The following ALDH3B2 variants were observed in gnomAD, a reference collection of about 807,000 sequenced individuals.
The protein encoded by ALDH3B2 is aldehyde dehydrogenase family 3 member B2.
In ALDH3B2, 45 loss-of-function variants were observed where a neutral mutation model predicts 36.7. That is an observed-to-expected ratio of 1.23 (90% CI 0.97 to 1.57). The LOEUF is 1.57. ALDH3B2 is among the 40% of genes most tolerant of loss of function. The pLI, the probability that ALDH3B2 is intolerant of heterozygous loss-of-function variation, is 0.00. For missense variants in ALDH3B2, 464 were observed against 513.3 expected (o/e 0.90, Z 0.93); for synonymous variants, 217 against 226.5 (o/e 0.96, Z 0.38).
rs550371133 is a variant in ALDH3B2 at position 67,664,851 on chromosome 11, G to A, written c.707-289C>T. On this transcript the variant is annotated intron_variant, in intron 7 of 9. Transcript: ENST00000349015. ...GGGATCTTAGAACCTTGGAGTTCAT[G>A]AGGCAGCAGCGTCCCAGAATGTTGG... is the stretch of plus-strand genomic sequence containing the variant. Among the ~76,000 whole-genome samples the A allele has an allele frequency of 9.8e-5, 15 of 152,360 alleles. No homozygotes were observed. The South Asian group carries it at 1.4e-3, about 15-fold the overall frequency.
At chr11:67,677,754 G>A (rs1379952714), upstream of ALDH3B2, among the ~76,000 whole-genome samples, 1 of 152,144 alleles carries the variant, frequency 6.6e-6, no homozygotes, top group Non-Finnish European at 1.5e-5. Context: ...ATTCAGCAAA[G>A]TTTCTGGATA....
intron 1 of ALDH3B2, among the ~76,000 whole-genome samples, chr11:67,668,624 G>A (rs959479178): frequency 6.6e-6 from 1 of 151,792 alleles, no homozygotes; most frequent in Non-Finnish European, 1.5e-5. Flanking sequence ...GTCTTTGTGT[G>A]TCTATGTGTG....
chr11:67,665,241 A>G (rs375854710), intron 7 of ALDH3B2, 44 bp downstream of exon 7: 8 of 1,548,290 alleles, frequency 5.2e-6, no homozygotes, highest in African/African-American at 1.4e-5. Flanking sequence ...CCATTGAGAA[A>G]GGGTCTTGGC....
chr11:67,671,891 G>A (rs1856125106), intron 1 of ALDH3B2, among the ~76,000 whole-genome samples: 1 of 149,912 alleles, frequency 6.7e-6, no homozygotes, highest in Admixed American at 6.7e-5. Context: ...CGAGATAGAT[G>A]CACATTCTGA....
At chr11:67,666,595 G>T in exon 4 of ALDH3B2, 1 of 1,614,088 alleles carries the variant, frequency 6.2e-7, no homozygotes, top group Non-Finnish European at 8.5e-7. Flanking sequence ...GCGCCCACCA[G>T]GAGCACCAGG....
At chr11:67,679,934 C>T (rs1255272901) in intron 1 of ALDH3B2, among the ~76,000 whole-genome samples, 1 of 152,124 alleles carries the variant, frequency 6.6e-6, no homozygotes, top group African/African-American at 2.4e-5. Context: ...AAAATTATAA[C>T]ACTTATTACT....
Position 67,663,279 on chromosome 11 carries a change from T to G in ALDH3B2, c.1094A>C (p.Tyr365Ser). 6.2e-7 allele frequency: 1 copy of G among 1,614,034 alleles called. No homozygotes were observed. The highest frequency in any genetic ancestry group is 8.5e-7 in the Non-Finnish European group (1 of 1,179,956). Residue 365 changes from tyrosine (Y) to serine (S), a missense_variant, in exon 10 of 10, where the codon TAT (tyrosine) becomes TCT (serine). Physicochemically the swap from Tyr to Ser is moderately radical, Grantham distance 144 (BLOSUM62 -2). Transcript: ENST00000349015. ...TAACAGCTGCTGGTTCCAGTCGGTA[T>G]AGGGTGGGTAGTGGATCTCCTTTAA... is the stretch of plus-strand genomic sequence containing the variant.
At chr11:67,666,588 C>T in exon 4 of ALDH3B2, 1 of 1,614,032 alleles carries the variant, frequency 6.2e-7, no homozygotes, top group Non-Finnish European at 8.5e-7. Flanking sequence ...GGCGAGGGCG[C>T]CCACCAGGAG....
chr11:67,675,670 A>C (rs1856253332), upstream of ALDH3B2, among the ~76,000 whole-genome samples: 1 of 152,214 alleles, frequency 6.6e-6, no homozygotes, highest in South Asian at 2.1e-4. Flanking sequence ...CGGTAGCTAA[A>C]GATGTAAATG....
chr11:67,666,833 G>A (rs1312644645), intron 3 of ALDH3B2, 73 bp downstream of exon 3: 8 of 1,611,630 alleles, frequency 5.0e-6, no homozygotes, highest in African/African-American at 1.3e-5. Context: ...GGGCCTCAGG[G>A]GCAGAAGGGG....
chr11:67,675,575 G>A (rs1377921161), upstream of ALDH3B2, among the ~76,000 whole-genome samples: 1 of 152,196 alleles, frequency 6.6e-6, no homozygotes. Context: ...TGGGCAGGAG[G>A]GACATCTGAG....
At chr11:67,678,734 C>T (rs1279431879), upstream of ALDH3B2, among the ~76,000 whole-genome samples, 1 of 148,298 alleles carries the variant, frequency 6.7e-6, no homozygotes, top group Non-Finnish European at 1.5e-5. Flanking sequence ...CACGCTATGG[C>T]ATATATATAC....
At chr11:67,675,144 G>T (rs931114829), upstream of ALDH3B2, among the ~76,000 whole-genome samples, 3 of 152,224 alleles carry the variant, frequency 2.0e-5, no homozygotes, top group Admixed American at 6.5e-5. Context: ...TCAGATCTTT[G>T]CAGAGAGACC....
intron 1 of ALDH3B2, among the ~76,000 whole-genome samples, chr11:67,674,035 C>T (rs75656664): frequency 0.014 from 2,123 of 152,314 alleles, 41 homozygotes; most frequent in African/African-American, 0.043. Flanking sequence ...TGCTTCCAAT[C>T]CCCGATTCTC....
At chr11:67,666,333 G>T (rs1322492474) in exon 5 of ALDH3B2, 1 of 1,606,852 alleles carries the variant, frequency 6.2e-7, no homozygotes, top group East Asian at 2.2e-5. Context: ...AGGTACTGGG[G>T]CAGCACCTCA....
chr11:67,669,347 T>A (rs529037881), intron 1 of ALDH3B2, among the ~76,000 whole-genome samples: 1 of 151,558 alleles, frequency 6.6e-6, no homozygotes, highest in East Asian at 1.9e-4. Flanking sequence ...TGTCTGTGTG[T>A]CTATGGGTGT....
At chr11:67,662,963 T>G in exon 10 of ALDH3B2, 4 of 504,228 alleles carry the variant, frequency 7.9e-6, no homozygotes, top group South Asian at 5.2e-5. Context: ...GGGCTGGAAT[T>G]GGGGAGGGTG....
At chr11:67,678,713 A>ATG (rs1856315193), upstream of ALDH3B2, among the ~76,000 whole-genome samples, 1 of 150,324 alleles carries the variant, frequency 6.7e-6, no homozygotes, top group Non-Finnish European at 1.5e-5. Flanking sequence ...GTGTCTATAT[A>ATG]TATATATATA....
chr11:67,663,840 G>A, intron 8 of ALDH3B2, 79 bp from the exon 9 acceptor site: 1 of 1,281,056 alleles, frequency 7.8e-7, no homozygotes, highest in Non-Finnish European at 1.1e-6. Flanking sequence ...CACAGCGGAG[G>A]TGAGCCTCAT....
Sources: allele counts gnomAD v4.1 joint callset (sites outside exome capture counted in the v4.1 genomes callset), GRCh38; gene constraint gnomAD v4.1.1; transcripts MANE v1.5; gene names NCBI Gene and HGNC (gene_info 2026-07-23, HGNC 2026-07-21).